Variants in TBC1D1 observed in about 807,000 individuals in gnomAD.
The protein encoded by TBC1D1 is TBC1 domain family member 1.
A neutral mutation model predicts 125.6 loss-of-function variants in TBC1D1; 89 were observed. The observed-to-expected ratio is 0.71, with a 90% CI of 0.60 to 0.85. The LOEUF (loss-of-function observed/expected upper bound fraction) is 0.85, where lower values mean the gene tolerates loss of function less well. Ranked by LOEUF, TBC1D1 falls within the 40% of genes least tolerant of loss-of-function variation. TBC1D1 has a pLI of 0.00. For missense variants in TBC1D1, 1,377 were observed against 1,469.2 expected (o/e 0.94, Z 1.03); for synonymous variants, 565 against 564.1 (o/e 1.00, Z -0.02).
chr4:38,119,074 TA>T (rs922944715), intron 17 of TBC1D1, among the ~76,000 whole-genome samples: 15 of 152,122 alleles, frequency 9.9e-5, no homozygotes, highest in African/African-American at 1.4e-4. Flanking sequence ...AGGAGGCTAC[TA>T]AAAAAATGAT....
Position 38,137,158 on chromosome 4 carries a change from C to A in TBC1D1, c.3330C>A (p.Ser1110Arg). 6.2e-7 allele frequency: 1 copy of A among 1,613,452 alleles called. No individual in the cohort carries two copies. The highest frequency in any genetic ancestry group is 8.5e-7 in the Non-Finnish European group (1 of 1,180,032). Reference sequence around the variant, plus strand: ...AGGTGGCAAATGGTAGGATCCAAAGCCTTGAGGCCACCATTGAGAAGCTCC... The same window carrying A: ...AGGTGGCAAATGGTAGGATCCAAAGACTTGAGGCCACCATTGAGAAGCTCC... The change falls in exon 20 of 20, where the codon AGC becomes AGA. Residue 1110 changes from serine (S) to arginine (R), a missense_variant. Physicochemically the swap from Ser to Arg is moderately radical, Grantham distance 110 (BLOSUM62 -1). Transcript: ENST00000261439.
chr4:37,989,128 A>G (rs1355088819), intron 2 of TBC1D1, among the ~76,000 whole-genome samples: 3 of 152,192 alleles, frequency 2.0e-5, no homozygotes, highest in Admixed American at 1.3e-4. Context: ...TCCTTGAACC[A>G]GGAGAGAATT....
chr4:38,064,421 T>A (rs1044270169), intron 12 of TBC1D1, among the ~76,000 whole-genome samples: 1 of 152,184 alleles, frequency 6.6e-6, no homozygotes, highest in African/African-American at 2.4e-5. Flanking sequence ...TTGGTCCTGC[T>A]GGCCCTAGGC....
intron 2 of TBC1D1, among the ~76,000 whole-genome samples, chr4:37,993,400 A>G (rs1737066436): frequency 6.6e-6 from 1 of 152,122 alleles, no homozygotes. Flanking sequence ...TTGTAACTAA[A>G]TCAAGATGAA....
chr4:37,967,941 C>T (rs73236861), intron 2 of TBC1D1, among the ~76,000 whole-genome samples: 15,716 of 152,060 alleles, frequency 0.1, 975 homozygotes, highest in African/African-American at 0.17. Context: ...GAAACAAGCG[C>T]ACAGTGTTTT....
chr4:37,929,731 A>G (rs946131150), intron 2 of TBC1D1, among the ~76,000 whole-genome samples: 4 of 152,354 alleles, frequency 2.6e-5, no homozygotes, highest in East Asian at 3.9e-4. Context: ...TTTGACTTGT[A>G]TAGGAATTCA....
At position 37,977,752 on chromosome 4, in the gene TBC1D1, T is replaced by C. The variant is rs1222893303; in HGVS notation, c.418-36757T>C. Among the ~76,000 whole-genome samples the C allele has an allele frequency of 3.3e-5, 5 of 152,006 alleles. No individual in the cohort carries two copies. In the East Asian group the frequency reaches 5.9e-4, roughly 18 times the overall value. On this transcript the variant is annotated intron_variant, in intron 2 of 19. Transcript: ENST00000261439. This position sits in a 1 kb window ranked among gnomAD's most constrained non-coding sequence, Gnocchi z 4.3. ...CGAGGTAGCGGCGCCCATTTCACAG[T>C]TGGGGAGACTGAGGCTGTACTCGGG...
At chr4:38,032,131 C>G (rs895035861) in intron 7 of TBC1D1, among the ~76,000 whole-genome samples, 1 of 152,020 alleles carries the variant, frequency 6.6e-6, no homozygotes, top group Admixed American at 6.5e-5. Context: ...CTAGCCTGGC[C>G]AACATGGCGA....
At chr4:38,033,915 A>G (rs1560659254) in intron 7 of TBC1D1, among the ~76,000 whole-genome samples, 1 of 152,216 alleles carries the variant, frequency 6.6e-6, no homozygotes, top group African/African-American at 2.4e-5. Context: ...TAGATGCACT[A>G]CAGTTTCTTT....
intron 10 of TBC1D1, among the ~76,000 whole-genome samples, chr4:38,047,795 G>GAC (rs1472445554): frequency 2.6e-5 from 4 of 152,158 alleles, no homozygotes; most frequent in Admixed American, 2.6e-4. Context: ...GATGCTTTTG[G>GAC]ACTAAATCTT....
At chr4:38,112,778 A>G (rs60347279) in intron 15 of TBC1D1, among the ~76,000 whole-genome samples, 6,503 of 152,300 alleles carry the variant, frequency 0.043, 479 homozygotes, top group African/African-American at 0.15. Flanking sequence ...TCCAGGGACT[A>G]TGGAGCAGAA....
chr4:38,118,501 A>G (rs922566060), intron 17 of TBC1D1: 8 of 269,506 alleles, frequency 3.0e-5, no homozygotes, highest in Middle Eastern at 2.1e-3. Context: ...GAGGAGCCAC[A>G]GGTGTATGTT....
chr4:37,928,447 T>C (rs1722565093), intron 2 of TBC1D1, among the ~76,000 whole-genome samples: 2 of 141,814 alleles, frequency 1.4e-5, no homozygotes, highest in Middle Eastern at 3.8e-3. Context: ...GTGTAGTAAA[T>C]AGAAGCTTAG....
intron 2 of TBC1D1, among the ~76,000 whole-genome samples, chr4:37,969,022 A>G (rs1033095071): frequency 6.6e-6 from 1 of 152,176 alleles, no homozygotes; most frequent in African/African-American, 2.4e-5. Context: ...TTGCTGTTAG[A>G]CACAGCAACT....
intron 1 of TBC1D1, among the ~76,000 whole-genome samples, chr4:37,895,022 T>A (rs914845480): frequency 6.6e-6 from 1 of 152,244 alleles, no homozygotes; most frequent in Non-Finnish European, 1.5e-5. Context: ...AAAATGTCCA[T>A]GAAGTGGTAG....
chr4:37,974,594 G>C (rs534681231), intron 2 of TBC1D1, among the ~76,000 whole-genome samples: 1 of 151,324 alleles, frequency 6.6e-6, no homozygotes, highest in Middle Eastern at 3.5e-3. Flanking sequence ...GTCTCACTCT[G>C]TCCCCCAGGC....
intron 2 of TBC1D1, among the ~76,000 whole-genome samples, chr4:37,958,720 G>T (rs1012550008): frequency 5.3e-5 from 8 of 152,182 alleles, no homozygotes; most frequent in African/African-American, 1.9e-4. Context: ...AATAAAAAAT[G>T]AATGTGTCGG....
intron 18 of TBC1D1, among the ~76,000 whole-genome samples, chr4:38,128,696 G>A (rs1480683248): frequency 9.2e-5 from 14 of 152,232 alleles, no homozygotes. Flanking sequence ...CAGGCTGAAA[G>A]CAGCCAGAGA....
chr4:38,065,380 C>A (rs1436267616), intron 12 of TBC1D1, among the ~76,000 whole-genome samples: 1 of 152,132 alleles, frequency 6.6e-6, no homozygotes, highest in Non-Finnish European at 1.5e-5. Flanking sequence ...TTGGGTGGAG[C>A]CCTCAAGCCG....
Sources: allele counts gnomAD v4.1 joint callset (sites outside exome capture counted in the v4.1 genomes callset), GRCh38; gene constraint gnomAD v4.1.1; non-coding constraint Gnocchi (gnomAD v3.1); transcripts MANE v1.5; gene names NCBI Gene and HGNC (gene_info 2026-07-23, HGNC 2026-07-21).